Variants in TTC28 observed in about 807,000 individuals in gnomAD.
TTC28 encodes tetratricopeptide repeat domain 28.
Under a neutral mutation model 198.0 loss-of-function variants are expected in TTC28, and 61 were observed. That is an observed-to-expected ratio of 0.31 (90% CI 0.25 to 0.38). The LOEUF is 0.38. TTC28 is among the 10% of genes least tolerant of loss of function. The pLI, the probability that TTC28 is intolerant of heterozygous loss-of-function variation, is 1.00. For missense variants in TTC28, 2,678 were observed against 3,164.0 expected (o/e 0.85, Z 3.69); for synonymous variants, 1,171 against 1,297.8 (o/e 0.90, Z 2.10).
chr22:28,257,434 G>A (rs898842671), intron 5 of TTC28, among the ~76,000 whole-genome samples: 1 of 151,856 alleles, frequency 6.6e-6, no homozygotes, highest in Non-Finnish European at 1.5e-5. Flanking sequence ...TAAAAAGAAG[G>A]GAATTCTGTA....
intron 16 of TTC28, 97 bp from the exon 17 acceptor site, chr22:27,996,356 G>A: frequency 2.0e-6 from 3 of 1,477,984 alleles, no homozygotes; most frequent in East Asian, 2.5e-5. Flanking sequence ...GGTTAACCCA[G>A]CAGAAAGAGC....
chr22:28,553,691 C>T (rs1191445165), intron 2 of TTC28, among the ~76,000 whole-genome samples: 3 of 151,882 alleles, frequency 2.0e-5, no homozygotes, highest in Admixed American at 6.5e-5. Flanking sequence ...CCGCCCCGTC[C>T]GGGAGGGAGG....
intron 2 of TTC28, among the ~76,000 whole-genome samples, chr22:28,393,129 G>A (rs186764913): frequency 3.3e-5 from 5 of 151,954 alleles, no homozygotes; most frequent in East Asian, 1.9e-4. Flanking sequence ...GCAATCCTCC[G>A]ACCTTGGCCT....
At chr22:28,292,247 G>C (rs1249290767) in intron 5 of TTC28, among the ~76,000 whole-genome samples, 3 of 152,112 alleles carry the variant, frequency 2.0e-5, no homozygotes, top group African/African-American at 7.2e-5. Context: ...GAATACAATG[G>C]TGTGAACTTG....
intron 5 of TTC28, among the ~76,000 whole-genome samples, chr22:28,243,212 A>C (rs1029438002): frequency 3.0e-5 from 4 of 133,370 alleles, no homozygotes; most frequent in East Asian, 2.2e-4. Context: ...AAAAAAAAAA[A>C]ACTAGCCAGC....
chr22:28,272,876 C>A (rs1932179505), intron 5 of TTC28, among the ~76,000 whole-genome samples: 1 of 152,086 alleles, frequency 6.6e-6, no homozygotes, highest in East Asian at 1.9e-4. Flanking sequence ...CCACCACTAC[C>A]CTCAAGACAC....
At chr22:28,220,427 T>C (rs1220868117) in intron 5 of TTC28, among the ~76,000 whole-genome samples, 1 of 152,230 alleles carries the variant, frequency 6.6e-6, no homozygotes, top group African/African-American at 2.4e-5. Flanking sequence ...GGTTCTCATG[T>C]GGAGGCTTAA....
rs566295955 is a variant in TTC28, at chr22:28,653,659, G to A, written c.103-23829C>T. Among the ~76,000 whole-genome samples, 7 of 152,064 alleles carry A rather than the reference G, an allele frequency of 4.6e-5. No homozygotes were observed. The South Asian group carries it at 1.5e-3, about 32-fold the overall frequency. On this transcript the variant is annotated intron_variant, in intron 1 of 22. Transcript: ENST00000397906. ...CTTCTAGAAACCCATTTGTTTTTCT[G>A]AAAGAAACCTATTTATTCCTCCCAT...
intron 2 of TTC28, among the ~76,000 whole-genome samples, chr22:28,448,324 A>G (rs577170938): frequency 6.6e-6 from 1 of 152,342 alleles, no homozygotes; most frequent in South Asian, 2.1e-4. Flanking sequence ...TGAAGAAAAC[A>G]CATCTTTTTC....
In TTC28 at chr22:28,034,894, G is replaced by A. The variant is rs1027187819; in HGVS notation, c.3933-4528C>T. On this transcript the variant is annotated intron_variant, in intron 12 of 22. Coordinates refer to ENST00000397906, the MANE Select transcript of TTC28 (RefSeq NM_001145418.2). ...TGCTCTGGGGAATATAAATCATGCC[G>A]TCACCAGAGGCAGGCTCCAAAATGC... Among the ~76,000 whole-genome samples, 4 of 152,032 alleles carry A rather than the reference G, an allele frequency of 2.6e-5. 1 individual carries two copies. In the South Asian group the frequency reaches 6.2e-4, roughly 24 times the overall value.
chr22:28,243,168 T>A (rs1929787099), intron 5 of TTC28, among the ~76,000 whole-genome samples: 3 of 54,640 alleles, frequency 5.5e-5, no homozygotes, highest in South Asian at 6.6e-4. Flanking sequence ...CAAAACCCCC[T>A]CTCTACAAAA....
intron 2 of TTC28, among the ~76,000 whole-genome samples, chr22:28,475,329 G>GCA (rs1427848367): frequency 6.6e-6 from 1 of 151,994 alleles, no homozygotes; most frequent in African/African-American, 2.4e-5. Context: ...CCATGGCAGG[G>GCA]CACACTCACA....
intron 5 of TTC28, among the ~76,000 whole-genome samples, chr22:28,166,717 G>C (rs989831640): frequency 6.6e-6 from 1 of 152,192 alleles, no homozygotes; most frequent in Non-Finnish European, 1.5e-5. Flanking sequence ...ACAAGAGAAA[G>C]CAGGAAAGAT....
intron 1 of TTC28, among the ~76,000 whole-genome samples, chr22:28,671,058 C>T (rs968203171): frequency 6.6e-6 from 1 of 152,068 alleles, no homozygotes; most frequent in Non-Finnish European, 1.5e-5. Flanking sequence ...AGTGTAATCA[C>T]TGCTCACTGC....
chr22:28,528,560 C>T (rs2049058899), intron 2 of TTC28, among the ~76,000 whole-genome samples: 2 of 149,834 alleles, frequency 1.3e-5, no homozygotes, highest in South Asian at 4.2e-4. Flanking sequence ...AACCCCATCT[C>T]TAATAAAACT....
In TTC28 at chr22:28,661,662, G is replaced by A. The variant is rs569757576; in HGVS notation, c.102+17960C>T. Among the ~76,000 whole-genome samples, 10 of 150,606 alleles carry A rather than the reference G, an allele frequency of 6.6e-5. No homozygotes were observed. In the South Asian group the frequency reaches 2.1e-3, roughly 32 times the overall value. ...CTCACTCTGTCACCCAGGCTGGAGT[G>A]CAGTGGCACGATCTCAGCTCACTGC... On this transcript the variant is annotated intron_variant, in intron 1 of 22. Transcript: ENST00000397906.
rs761791695 is a variant in TTC28, at chr22:28,005,589, G to T, written c.4219-4036C>A. Among the ~76,000 whole-genome samples the T allele has an allele frequency of 2.4e-4, 36 of 152,208 alleles. No homozygotes were observed. The highest frequency in any genetic ancestry group is 4.6e-4 in the Non-Finnish European group (31 of 68,028). ...AGCCCTCCTGCTGGCCTGGGTCAGT[G>T]GTGGGTGAGGACATCCAGAGGGGCC... On this transcript the variant is annotated intron_variant, in intron 14 of 22. Coordinates refer to ENST00000397906, the MANE Select transcript of TTC28 (RefSeq NM_001145418.2). This position sits in a 1 kb window ranked among gnomAD's most constrained non-coding sequence, Gnocchi z 4.9.
intron 6 of TTC28, among the ~76,000 whole-genome samples, chr22:28,142,403 A>G (rs1317873825): frequency 1.3e-5 from 2 of 152,200 alleles, no homozygotes; most frequent in African/African-American, 4.8e-5. Flanking sequence ...ACACAGACCT[A>G]TTTTGTGTTT....
intron 1 of TTC28, among the ~76,000 whole-genome samples, chr22:28,654,192 G>A (rs1470744837): frequency 2.6e-5 from 4 of 152,142 alleles, no homozygotes; most frequent in Non-Finnish European, 4.4e-5. Flanking sequence ...AGTTACTTGT[G>A]AGGGCTAAAA....
Sources: allele counts gnomAD v4.1 joint callset (sites outside exome capture counted in the v4.1 genomes callset), GRCh38; gene constraint gnomAD v4.1.1; non-coding constraint Gnocchi (gnomAD v3.1); transcripts MANE v1.5; gene names NCBI Gene and HGNC (gene_info 2026-07-23, HGNC 2026-07-21).